Variants in IKBKG observed in about 807,000 individuals in gnomAD.
IKBKG encodes NF-kappa-B essential modulator.
In IKBKG, 2 loss-of-function variants were observed where a neutral mutation model predicts 13.7. The ratio of observed to expected loss-of-function variants is 0.15; its 90% CI spans 0.06 to 0.46. The LOEUF is 0.46. Among genes scored for constraint, IKBKG ranks in the 20% least tolerant of loss-of-function variants. The pLI is 0.98. For missense variants in IKBKG, 53 were observed against 150.3 expected (o/e 0.35, Z 3.39); for synonymous variants, 22 against 64.4 (o/e 0.34, Z 3.15).
upstream of IKBKG, among the ~76,000 whole-genome samples, chrX:154,543,869 A>ATT (rs1306269568): frequency 9.6e-5 from 8 of 83,651 alleles, no homozygotes; most frequent in East Asian, 2.6e-3. Flanking sequence ...AATTTTTGTT[A>ATT]TTTTTTTTTT....
At chrX:154,546,207 G>C, upstream of IKBKG, 1 of 1,205,326 alleles carries the variant, frequency 8.3e-7, no homozygotes, top group Non-Finnish European at 1.1e-6. Context: ...GAACAGGAGA[G>C]CATTGAGAAG....
At chrX:154,543,560 T>C (rs2070589336), upstream of IKBKG, among the ~76,000 whole-genome samples, 1 of 112,366 alleles carries the variant, frequency 8.9e-6, no homozygotes, top group South Asian at 3.6e-4. Context: ...TGCAGTGCCT[T>C]GTGACAGCAT....
chrX:154,546,178 G>A (rs2070707835), upstream of IKBKG: 2 of 1,209,447 alleles, frequency 1.7e-6, no homozygotes, highest in East Asian at 3.0e-5. Context: ...TGGAAGAAAG[G>A]CTCGTTAACA....
chrX:154,554,483 G>A (rs374170680), intron 2 of IKBKG, among the ~76,000 whole-genome samples: 1 of 112,693 alleles, frequency 8.9e-6, no homozygotes, highest in African/African-American at 3.2e-5. Flanking sequence ...TGCCAGCCAG[G>A]TGCAGTGGCT....
intron 4 of IKBKG, among the ~76,000 whole-genome samples, chrX:154,559,103 G>A (rs2071091026): frequency 9.0e-6 from 1 of 111,559 alleles, no homozygotes; most frequent in Non-Finnish European, 1.9e-5. Context: ...CACGGGCCGT[G>A]TTCCTGCCCA....
upstream of IKBKG, among the ~76,000 whole-genome samples, chrX:154,544,279 A>G (rs1472579455): frequency 9.0e-6 from 1 of 110,891 alleles, no homozygotes; most frequent in Non-Finnish European, 1.9e-5. Context: ...CTACTGCCTC[A>G]GCCTACTGAG....
chrX:154,544,498 T>G (rs1278109767), upstream of IKBKG, among the ~76,000 whole-genome samples: 2 of 112,432 alleles, frequency 1.8e-5, no homozygotes, highest in African/African-American at 6.5e-5. Context: ...TTTCGCCATG[T>G]TGGCCAGGCT....
rs1310775515 is a variant in IKBKG, at chrX:154,552,081, C to T, written c.79C>T (p.Leu27=). 4 of 1,188,909 alleles carry T rather than the reference C, an allele frequency of 3.4e-6. No homozygotes were observed. The African/African-American group carries it at 5.3e-5, about 16-fold the overall frequency. Residue 27 remains leucine, a synonymous_variant, in exon 2 of 10, where the codon CTG becomes TTG. Coordinates refer to ENST00000594239, the MANE Select transcript of IKBKG (RefSeq NM_001099857.5). ...TGGCCCGGCAGCAGATCAGGACGTA[C>T]TGGGCGAAGAGTCTCCTCTGGGGAA... ...SGGPAADQDV[L]GEESPLGKPA...
At chrX:154,547,562 C>T (rs1462452863), upstream of IKBKG, 11 of 754,268 alleles carry the variant, frequency 1.5e-5, no homozygotes, top group African/African-American at 9.1e-5. Context: ...CGCCGGCTTC[C>T]CGAGTTCTCG....
chrX:154,550,874 G>A (rs1241866151), intron 1 of IKBKG, among the ~76,000 whole-genome samples: 3 of 109,185 alleles, frequency 2.7e-5, no homozygotes, highest in East Asian at 2.9e-4. Context: ...GCAGTGGCGC[G>A]ATCCCGGGTT....
At chrX:154,546,646 T>C (rs1391329083), upstream of IKBKG, 59 of 507,683 alleles carry the variant, frequency 1.2e-4, no homozygotes, top group Non-Finnish European at 5.9e-5. Flanking sequence ...AGAGAGGAGG[T>C]GCGGGGTATA....
chrX:154,548,093 T>C, intron 1 of IKBKG: 1 of 754,883 alleles, frequency 1.3e-6, no homozygotes, highest in Non-Finnish European at 1.6e-6. Flanking sequence ...CAGCTAGGTA[T>C]CTGATTTCAT....
At chrX:154,546,804 G>C (rs782130452), upstream of IKBKG, 9 of 1,160,177 alleles carry the variant, frequency 7.8e-6, no homozygotes, top group African/African-American at 1.8e-5. Flanking sequence ...CTTCGTCGTC[G>C]TCGCCCTCCG....
upstream of IKBKG, among the ~76,000 whole-genome samples, chrX:154,545,419 C>G (rs1005681607): frequency 4.5e-5 from 5 of 111,953 alleles, no homozygotes; most frequent in African/African-American, 6.5e-5. Flanking sequence ...ATGAACAGGT[C>G]TGAAAAAACT....
rs1357796378 is a variant in IKBKG, at chrX:154,547,656, A to G, written c.-105A>G. ...GCGTGGTAGGGAAGGGCGACCGCGA[A>G]ACTGGGACTTTCTCGGAGCGCCGGG... On this transcript the variant is annotated 5_prime_UTR_variant, in exon 1 of 10. Transcript: ENST00000594239. The G allele has an allele frequency of 1.3e-5, 10 of 753,199 alleles. No individual in the cohort carries two copies. Among genetic ancestry groups the G allele is most frequent in the African/African-American group, 6.9e-5 (3 of 43,405 alleles). 62.1% of individuals were successfully genotyped at this position (753,199 alleles called of 1,213,427 possible).
intron 1 of IKBKG, 32 bp downstream of exon 1, chrX:154,547,777 A>C: frequency 1.3e-6 from 1 of 754,592 alleles, no homozygotes; most frequent in Non-Finnish European, 1.6e-6. Context: ...ACAGGGTTCC[A>C]TCCGTGGGCG....
chrX:154,542,265 T>A lies in IKBKG; in HGVS notation c.-186-17T>A, dbSNP rs2070531700. 18 of 1,126,290 alleles carry A rather than the reference T, an allele frequency of 1.6e-5. 1 individual carries two copies. Among genetic ancestry groups the A allele is most frequent in the Non-Finnish European group, 2.2e-5 (18 of 836,199 alleles). 92.8% of individuals were successfully genotyped at this position (1,126,290 alleles called of 1,213,427 possible). A position where few individuals can be genotyped will look rare whatever the true frequency, so the allele number is the denominator to read the frequency against. ...GCGTCCTGAACGCCCATCAAGCCCA[T>A]GGCCCTTGTGATCCAGGTGGGGAAA... is the stretch of plus-strand genomic sequence containing the variant. On this transcript the variant is annotated splice_polypyrimidine_tract_variant and intron_variant, in intron 1 of 10. Coordinates refer to the IKBKG transcript ENST00000422680.
At chrX:154,546,889 G>T, upstream of IKBKG, 4 of 1,008,508 alleles carry the variant, frequency 4.0e-6, no homozygotes, top group Non-Finnish European at 3.9e-6. Context: ...CGGGGGCGGG[G>T]GCGGGCGCCT....
intron 1 of IKBKG, 47 bp downstream of exon 1, chrX:154,547,792 G>A: frequency 1.3e-6 from 1 of 754,979 alleles, no homozygotes; most frequent in Non-Finnish European, 1.6e-6. Flanking sequence ...TGGGCGTTCC[G>A]CCGCCTCCGA....
Sources: gnomAD v4.1 joint callset for allele counts (sites outside exome capture counted in the v4.1 genomes callset) on GRCh38, gnomAD v4.1.1 for gene constraint, MANE v1.5 for transcripts, NCBI Gene and HGNC (gene_info 2026-07-23, HGNC 2026-07-21) for gene names.